The following TJP2 variants were observed in gnomAD, a reference collection of about 807,000 sequenced individuals.
The protein encoded by TJP2 is Friedreich ataxia region gene X104 (tight junction protein ZO-2).
A neutral mutation model predicts 133.1 loss-of-function variants in TJP2; 91 were observed. The ratio of observed to expected loss-of-function variants is 0.68; its 90% CI spans 0.58 to 0.81. The LOEUF (loss-of-function observed/expected upper bound fraction) is 0.81, where lower values mean the gene tolerates loss of function less well. Among genes scored for constraint, TJP2 ranks in the 40% least tolerant of loss-of-function variants. The probability of loss-of-function intolerance (pLI) is 0.00; values close to 1 mark genes in which losing one functional copy is unlikely to be tolerated. For synonymous variants in TJP2, 592 were observed against 583.4 expected (o/e 1.01, Z -0.21); for missense variants, 1,541 against 1,565.6 (o/e 0.98, Z 0.26).
At chr9:69,128,983 T>G (rs1822372076) in intron 1 of TJP2, among the ~76,000 whole-genome samples, 1 of 152,242 alleles carries the variant, frequency 6.6e-6, no homozygotes, top group Admixed American at 6.5e-5. Context: ...CTTTTGGAAT[T>G]TATTGCGGCT....
chr9:69,172,198 T>C (rs1824726670), upstream of TJP2, among the ~76,000 whole-genome samples: 1 of 152,258 alleles, frequency 6.6e-6, no homozygotes, highest in Non-Finnish European at 1.5e-5. Flanking sequence ...AAGAGTTGTA[T>C]TGATTTACAC....
chr9:69,246,584 C>T (rs1830942564), intron 17 of TJP2, 106 bp from the exon 18 acceptor site: 1 of 957,630 alleles, frequency 1.0e-6, no homozygotes, highest in Non-Finnish European at 1.7e-6. Context: ...TTGCGTCTGC[C>T]ATAGTCTTAA....
chr9:69,156,414 C>G (rs948272235), intron 2 of TJP2, among the ~76,000 whole-genome samples: 2 of 152,088 alleles, frequency 1.3e-5, no homozygotes, highest in Non-Finnish European at 1.5e-5. Context: ...CAGGACATGC[C>G]CATAACACAG....
At chr9:69,210,624 A>C (rs1284523554) in intron 1 of TJP2, among the ~76,000 whole-genome samples, 3 of 152,048 alleles carry the variant, frequency 2.0e-5, no homozygotes, top group African/African-American at 7.2e-5. Context: ...ATTTAATCTA[A>C]ATCTTGCACT....
intron 1 of TJP2, among the ~76,000 whole-genome samples, chr9:69,189,674 AAAGAC>A (rs1473429278): frequency 2.2e-5 from 1 of 45,800 alleles, no homozygotes; most frequent in Non-Finnish European, 5.5e-5. Flanking sequence ...AAAAAAAAAA[AAAGAC>A]AAAGAAAAAG....
intron 1 of TJP2, among the ~76,000 whole-genome samples, chr9:69,181,981 C>T (rs746514871): frequency 6.6e-6 from 1 of 152,170 alleles, no homozygotes; most frequent in Non-Finnish European, 1.5e-5. Context: ...TCTTCCTCTT[C>T]CTCTCCACCC....
chr9:69,201,320 G>C (rs954444491), intron 1 of TJP2, among the ~76,000 whole-genome samples: 4 of 152,186 alleles, frequency 2.6e-5, no homozygotes, highest in African/African-American at 9.7e-5. Flanking sequence ...GGTTGGAGCA[G>C]GCTGCAGTTG....
At chr9:69,185,990 G>A (rs747422887) in intron 1 of TJP2, among the ~76,000 whole-genome samples, 2 of 151,130 alleles carry the variant, frequency 1.3e-5, no homozygotes, top group Non-Finnish European at 1.5e-5. Context: ...GGATGGCCTC[G>A]ATCTCCTGAC....
In TJP2 at chr9:69,221,133, C is replaced by T. The variant is rs539524493; in HGVS notation, c.589C>T (p.Arg197Cys). The change falls in exon 5 of 23, where the codon CGT becomes TGT. Residue 197 changes from arginine to cysteine, a missense_variant. By Grantham distance (180) the Arg-to-Cys change is radical. Transcript: ENST00000377245. ...GCGGGACCTCAGCCGGGACCGGAGC[C>T]GTGGCCGGAGCCTGGAGCGGGGCCT... The part of the protein sequence containing the change: ...RERDLSRDRS[R>C]GRSLERGLDQ... 3.1e-6 allele frequency: 5 copies of T among 1,589,788 alleles called. No individual in the cohort carries two copies. Among genetic ancestry groups the T allele is most frequent in the Admixed American group, 1.8e-5 (1 of 57,004 alleles).
intron 1 of TJP2, 127 bp downstream of exon 1, chr9:69,174,559 C>G (rs1481068542): frequency 8.6e-7 from 1 of 1,162,842 alleles, no homozygotes; most frequent in Non-Finnish European, 1.2e-6. Flanking sequence ...CTGGGATTCT[C>G]CCATCCGGAC....
Position 69,251,183 on chromosome 9 carries a change from G to A in TJP2, c.3140G>A (p.Arg1047Gln), listed in dbSNP as rs191327525. 1.2e-5 allele frequency: 19 copies of A among 1,613,972 alleles called. No homozygotes were observed. The highest frequency in any genetic ancestry group is 1.5e-5 in the Non-Finnish European group (18 of 1,180,020). ...PPVAAKPTFGRSILKPSTPIP... is the reference protein window; with the variant it reads ...PPVAAKPTFGQSILKPSTPIP... Reference sequence around the variant, plus strand: ...GTTGCAGCAAAACCTACCTTTGGGCGGTCTATACTGAAGCCCTCCACTCCC... The same window carrying A: ...GTTGCAGCAAAACCTACCTTTGGGCAGTCTATACTGAAGCCCTCCACTCCC... The change falls in exon 21 of 23, where the codon CGG becomes CAG. Residue 1047 changes from arginine (R) to glutamine (Q), a missense_variant. By Grantham distance (43) the Arg-to-Gln change is conservative (BLOSUM62 1). Coordinates refer to ENST00000377245, the MANE Select transcript of TJP2 (RefSeq NM_004817.4).
chr9:69,251,004 C>G, intron 20 of TJP2, 31 bp from the exon 21 acceptor site: 1 of 1,596,304 alleles, frequency 6.3e-7, no homozygotes, highest in Non-Finnish European at 8.6e-7. Context: ...CTTAAAAGCC[C>G]AGGGTGAAAA....
chr9:69,155,457 G>A (rs950968946), intron 2 of TJP2, among the ~76,000 whole-genome samples: 3 of 152,236 alleles, frequency 2.0e-5, no homozygotes, highest in African/African-American at 4.8e-5. Context: ...CCTGGAGGGC[G>A]TGTTAAAACA....
chr9:69,204,959 C>CT, intron 1 of TJP2: 4 of 1,300,164 alleles, frequency 3.1e-6, no homozygotes, highest in Non-Finnish European at 3.9e-6. Context: ...ATCCAAACTG[C>CT]TTTCTTTTTT....
intron 1 of TJP2, among the ~76,000 whole-genome samples, chr9:69,182,784 ATTTCT>A (rs1438607202): frequency 4.2e-5 from 5 of 118,268 alleles, no homozygotes; most frequent in African/African-American, 1.5e-4. Context: ...AGCTTGATGA[ATTTCT>A]TTTTTTTTTT....
At chr9:69,225,057 C>T (rs151255173) in intron 5 of TJP2, among the ~76,000 whole-genome samples, 1 of 152,350 alleles carries the variant, frequency 6.6e-6, no homozygotes, top group African/African-American at 2.4e-5. Context: ...TCCACTGGAT[C>T]AGGGACCTAT....
intron 1 of TJP2, among the ~76,000 whole-genome samples, chr9:69,136,024 G>A (rs1372095724): frequency 6.6e-6 from 1 of 152,084 alleles, no homozygotes; most frequent in Non-Finnish European, 1.5e-5. Flanking sequence ...GAGATAGAAG[G>A]ATGACTATGA....
chr9:69,203,088 G>C (rs1033793653), intron 1 of TJP2, among the ~76,000 whole-genome samples: 1 of 152,034 alleles, frequency 6.6e-6, no homozygotes, highest in Admixed American at 6.6e-5. Flanking sequence ...GATAAGCTCA[G>C]GTGTTTTCCT....
intron 2 of TJP2, among the ~76,000 whole-genome samples, chr9:69,166,512 G>A (rs767258055): frequency 1.3e-4 from 20 of 151,838 alleles, no homozygotes; most frequent in Admixed American, 1.0e-3. Context: ...GGAGACCAAG[G>A]TAGGAGGATA....
Sources: gnomAD v4.1 joint callset for allele counts (sites outside exome capture counted in the v4.1 genomes callset) on GRCh38, gnomAD v4.1.1 for gene constraint, MANE v1.5 for transcripts, NCBI Gene and HGNC (gene_info 2026-07-23, HGNC 2026-07-21) for gene names.